Variants in CD200R1 observed in about 807,000 individuals in gnomAD.
CD200R1 encodes cell surface glycoprotein CD200 receptor 1.
A neutral mutation model predicts 38.1 loss-of-function variants in CD200R1; 30 were observed. The ratio of observed to expected loss-of-function variants is 0.79; its 90% CI spans 0.59 to 1.07. The LOEUF (loss-of-function observed/expected upper bound fraction) is 1.07, where lower values mean the gene tolerates loss of function less well. Among genes scored for constraint, CD200R1 ranks in the 50% least tolerant of loss-of-function variants. The pLI is 0.00. For missense variants in CD200R1, 372 were observed against 415.4 expected (o/e 0.90, Z 0.91); for synonymous variants, 128 against 152.1 (o/e 0.84, Z 1.16).
chr3:112,958,561 A>G (rs1215926564), intron 1 of CD200R1, among the ~76,000 whole-genome samples: 1 of 152,194 alleles, frequency 6.6e-6, no homozygotes, highest in African/African-American at 2.4e-5. Context: ...GATGATTCAC[A>G]GGTATATACA....
At chr3:112,940,953 C>T (rs549043563) in intron 2 of CD200R1, among the ~76,000 whole-genome samples, 18 of 151,824 alleles carry the variant, frequency 1.2e-4, no homozygotes, top group African/African-American at 4.3e-4. Context: ...TATATATACA[C>T]AATGGAATAC....
chr3:112,958,993 A>C (rs1180050216), intron 1 of CD200R1, among the ~76,000 whole-genome samples: 1 of 151,752 alleles, frequency 6.6e-6, no homozygotes, highest in Non-Finnish European at 1.5e-5. Flanking sequence ...CAGTGAGACA[A>C]AAAAAAAGGC....
rs1933403311 is a variant in CD200R1, at chr3:112,974,840, T to C, written c.18A>G (p.Arg6=). 1 of 1,613,402 alleles carries C rather than the reference T, an allele frequency of 6.2e-7. No individual in the cohort carries two copies. Among genetic ancestry groups the C allele is most frequent in the Admixed American group, 1.7e-5 (1 of 59,890 alleles). The change falls in exon 1 of 8, where the codon AGA becomes AGG. Residue 6 remains arginine (R), a synonymous_variant. Transcript: ENST00000308611. Reference sequence around the variant, plus strand: ...TCAACAGTAGCCCTAGGTTAGCAGTTCTCCAAGGGCAGAGCATTTCTGTTT... The same window carrying C: ...TCAACAGTAGCCCTAGGTTAGCAGTCCTCCAAGGGCAGAGCATTTCTGTTT... MLCPW[R]TANLGLLLIL...
At chr3:112,931,072 CT>C (rs1940421343) in intron 3 of CD200R1, 33 bp downstream of exon 3, 1 of 1,479,282 alleles carries the variant, frequency 6.8e-7, no homozygotes, top group Non-Finnish European at 9.5e-7. Flanking sequence ...CTTTCCATCC[CT>C]AGGTGCTGGC....
intron 1 of CD200R1, among the ~76,000 whole-genome samples, chr3:112,968,549 T>C (rs1933223168): frequency 6.6e-6 from 1 of 152,128 alleles, no homozygotes; most frequent in Non-Finnish European, 1.5e-5. Context: ...TAGGTTCCCA[T>C]TATTTCCCCA....
chr3:112,957,095 C>G (rs530420499), intron 1 of CD200R1, among the ~76,000 whole-genome samples: 157 of 152,214 alleles, frequency 1.0e-3, no homozygotes, highest in Non-Finnish European at 1.7e-3. Flanking sequence ...CCTCTTTCCC[C>G]CAAGTACACA....
rs748433491 is a variant in CD200R1, at chr3:112,928,810, A to G, written c.769+6T>C. On this transcript the variant is annotated splice_donor_region_variant and intron_variant, in intron 5 of 7. Transcript: ENST00000308611. ...AATAAAAAATAAAACTAAAAGAATT[A>G]CTGACCAGGAAGTAGCTCTATGTAC... The G allele has an allele frequency of 6.3e-7, 1 of 1,586,530 alleles. No homozygotes were observed. Among genetic ancestry groups the G allele is most frequent in the Non-Finnish European group, 8.6e-7 (1 of 1,164,174 alleles).
At chr3:112,930,359 A>T (rs1940399531) in intron 3 of CD200R1, among the ~76,000 whole-genome samples, 1 of 152,216 alleles carries the variant, frequency 6.6e-6, no homozygotes, top group Admixed American at 6.5e-5. Context: ...ATTTAGTCAC[A>T]CATACACTTT....
At chr3:112,937,269 G>T (rs1559947948) in intron 2 of CD200R1, among the ~76,000 whole-genome samples, 3 of 152,154 alleles carry the variant, frequency 2.0e-5, no homozygotes, top group East Asian at 1.9e-4. Flanking sequence ...GAGAGTAACT[G>T]CCCCCCATGA....
At chr3:112,957,942 G>T (rs963880046) in intron 1 of CD200R1, among the ~76,000 whole-genome samples, 2 of 152,092 alleles carry the variant, frequency 1.3e-5, no homozygotes, top group African/African-American at 4.8e-5. Flanking sequence ...GTGAGATAAT[G>T]ATTACACACC....
At chr3:112,941,817 A>G (rs1288894420) in intron 2 of CD200R1, among the ~76,000 whole-genome samples, 3 of 151,634 alleles carry the variant, frequency 2.0e-5, no homozygotes, top group African/African-American at 7.2e-5. Flanking sequence ...ATGTAAAGAA[A>G]TACTTCAGAA....
chr3:112,934,581 G>T (rs1940532624), intron 2 of CD200R1, among the ~76,000 whole-genome samples: 1 of 152,138 alleles, frequency 6.6e-6, no homozygotes, highest in Non-Finnish European at 1.5e-5. Flanking sequence ...TGTAATCCTA[G>T]CACTTTGGGA....
In CD200R1 at chr3:112,959,797, T is replaced by A. The variant is rs146712779; in HGVS notation, c.68-11873A>T. Among the ~76,000 whole-genome samples the A allele has an allele frequency of 6.7e-4, 102 of 152,230 alleles. 1 individual carries two copies. Among genetic ancestry groups the A allele is most frequent in the African/African-American group, 2.3e-3 (97 of 41,576 alleles). ...AAAGTTATTATAATGAATGTAGAGA[T>A]GAACCACTATGAATTATGCATGGAT... On this transcript the variant is annotated intron_variant, in intron 1 of 7. Transcript: ENST00000308611.
At chr3:112,927,940 AT>A (rs1940319789) in intron 5 of CD200R1, among the ~76,000 whole-genome samples, 2 of 152,318 alleles carry the variant, frequency 1.3e-5, no homozygotes, top group African/African-American at 4.8e-5. Flanking sequence ...GTATTTCTTG[AT>A]TCAGCACTTA....
chr3:112,924,358 T>C (rs936812581), intron 7 of CD200R1, 132 bp downstream of exon 7: 1 of 500,124 alleles, frequency 2.0e-6, no homozygotes, highest in Admixed American at 4.6e-5. Flanking sequence ...ATCACACATA[T>C]AAGCACTGCA....
chr3:112,965,245 A>G (rs753305383), intron 1 of CD200R1, among the ~76,000 whole-genome samples: 14 of 152,216 alleles, frequency 9.2e-5, no homozygotes, highest in Admixed American at 2.6e-4. Context: ...GAAGATCATC[A>G]GTGACCTTAA....
At chr3:112,958,787 C>T (rs777009248) in intron 1 of CD200R1, among the ~76,000 whole-genome samples, 1 of 152,068 alleles carries the variant, frequency 6.6e-6, no homozygotes, top group Non-Finnish European at 1.5e-5. Context: ...TTAAAAAATA[C>T]TTCTATCTAA....
In CD200R1 at chr3:112,967,162, G is replaced by A. The variant is rs141102545; in HGVS notation, c.67+7629C>T. Among the ~76,000 whole-genome samples the A allele has an allele frequency of 3.2e-3, 481 of 151,788 alleles. 3 individuals are homozygous for A. The highest frequency in any genetic ancestry group is 0.011 in the African/African-American group (463 of 41,356). On this transcript the variant is annotated intron_variant, in intron 1 of 7. Coordinates refer to ENST00000308611, the MANE Select transcript of CD200R1 (RefSeq NM_138806.4). ...CAAGCTATCTTTCTCCTTGGGCATC[G>A]TAATGTCAGTATTCACCAAAGTCTC...
intron 1 of CD200R1, among the ~76,000 whole-genome samples, chr3:112,949,781 T>G (rs565034990): frequency 1.3e-5 from 2 of 152,248 alleles, no homozygotes; most frequent in South Asian, 4.1e-4. Context: ...GGCAAGTCCA[T>G]AAAATCAGGA....
Sources: gnomAD v4.1 joint callset for allele counts (sites outside exome capture counted in the v4.1 genomes callset) on GRCh38, gnomAD v4.1.1 for gene constraint, MANE v1.5 for transcripts, NCBI Gene and HGNC (gene_info 2026-07-23, HGNC 2026-07-21) for gene names.